DPY19L1: variants seen among roughly 807,000 people sequenced by gnomAD.
DPY19L1 encodes protein C-mannosyl-transferase DPY19L1.
A neutral mutation model predicts 96.9 loss-of-function variants in DPY19L1; 35 were observed. The ratio of observed to expected loss-of-function variants is 0.36; its 90% CI spans 0.28 to 0.48. The LOEUF is 0.48. DPY19L1 is among the 20% of genes least tolerant of loss of function. DPY19L1 has a pLI of 0.99. For missense variants in DPY19L1, 521 were observed against 777.9 expected, an observed-to-expected ratio of 0.67 and a Z score of 3.93; for synonymous variants, 205 against 252.6, an observed-to-expected ratio of 0.81 and a Z score of 1.79.
chr7:35,034,141 C>T (rs890546804), intron 1 of DPY19L1, among the ~76,000 whole-genome samples: 14 of 152,092 alleles, frequency 9.2e-5, no homozygotes, highest in Admixed American at 2.0e-4. Context: ...TTTTTATCAT[C>T]CACTTTTCCC....
intron 1 of DPY19L1, among the ~76,000 whole-genome samples, chr7:35,027,688 A>AAAAAAAAAAAAAAAAAAAAAAG (rs1786160235): frequency 2.0e-5 from 3 of 148,698 alleles, no homozygotes; most frequent in Admixed American, 6.7e-5. Flanking sequence ...AAAAAAAAAA[A>AAAAAAAAAAAAAAAAAAAAAAG]TTAGTTGGGC....
intron 6 of DPY19L1, among the ~76,000 whole-genome samples, chr7:35,008,690 T>C (rs1785625371): frequency 6.6e-6 from 1 of 152,084 alleles, no homozygotes; most frequent in Non-Finnish European, 1.5e-5. Context: ...GGTAACAATA[T>C]AGCAAGACCC....
intron 7 of DPY19L1, among the ~76,000 whole-genome samples, chr7:34,981,941 C>A (rs1467877600): frequency 1.3e-5 from 2 of 152,032 alleles, no homozygotes; most frequent in African/African-American, 4.8e-5. Flanking sequence ...CAGAGTGAGA[C>A]CCTGTCTCAA....
intron 7 of DPY19L1, among the ~76,000 whole-genome samples, chr7:34,974,438 T>C (rs1185237985): frequency 6.6e-6 from 1 of 152,224 alleles, no homozygotes; most frequent in Non-Finnish European, 1.5e-5. Flanking sequence ...ATATTTTCGC[T>C]GTACCTCAGA....
At chr7:34,971,852 G>C (rs1294092713) in intron 8 of DPY19L1, among the ~76,000 whole-genome samples, 1 of 152,150 alleles carries the variant, frequency 6.6e-6, no homozygotes, top group Non-Finnish European at 1.5e-5. Flanking sequence ...AGATACCTGT[G>C]TCCTAATCCC....
intron 7 of DPY19L1, among the ~76,000 whole-genome samples, chr7:34,985,766 T>C (rs1258655861): frequency 6.6e-6 from 1 of 151,984 alleles, no homozygotes; most frequent in African/African-American, 2.4e-5. Flanking sequence ...TATGTAAGTT[T>C]CCTCAAAAAC....
At chr7:34,963,400 C>T (rs866540475) in intron 10 of DPY19L1, among the ~76,000 whole-genome samples, 2 of 151,996 alleles carry the variant, frequency 1.3e-5, no homozygotes, top group Admixed American at 1.3e-4. Flanking sequence ...TAAAATGTAC[C>T]GCTACTATGG....
chr7:35,025,848 C>A (rs1786107919), intron 1 of DPY19L1, among the ~76,000 whole-genome samples: 1 of 152,178 alleles, frequency 6.6e-6, no homozygotes, highest in South Asian at 2.1e-4. Flanking sequence ...CTATTTACCC[C>A]ACTGTGCCAC....
chr7:34,935,802 A>AAC (rs1247383365), intron 21 of DPY19L1, among the ~76,000 whole-genome samples: 1 of 152,198 alleles, frequency 6.6e-6, no homozygotes, highest in Non-Finnish European at 1.5e-5. Flanking sequence ...TCTAAATGTA[A>AAC]ACACTAGATA....
At chr7:34,948,450 T>C (rs184476792) in intron 14 of DPY19L1, among the ~76,000 whole-genome samples, 2 of 152,190 alleles carry the variant, frequency 1.3e-5, no homozygotes, top group African/African-American at 4.8e-5. Flanking sequence ...TTGGAACATA[T>C]GTTCCCTGAA....
chr7:35,016,654 C>A (rs329236), intron 3 of DPY19L1, among the ~76,000 whole-genome samples: 41,629 of 152,142 alleles, frequency 0.27, 5,812 homozygotes, highest in Non-Finnish European at 0.31. Flanking sequence ...CCAGTGATCA[C>A]TCTTAACATC....
intron 6 of DPY19L1, among the ~76,000 whole-genome samples, chr7:35,001,940 A>G (rs1398073144): frequency 6.6e-6 from 1 of 152,058 alleles, no homozygotes; most frequent in Non-Finnish European, 1.5e-5. Context: ...CCTGGCCAAC[A>G]TGGTAAAAAC....
intron 8 of DPY19L1, 130 bp downstream of exon 8, chr7:34,973,382 CTT>C (rs890939322): frequency 2.1e-5 from 10 of 474,736 alleles, no homozygotes; most frequent in Admixed American, 8.9e-5. Context: ...AAGTTACACT[CTT>C]ATAATATTTT....
At position 34,945,660 on chromosome 7, in the gene DPY19L1, T is replaced by A; in HGVS notation, c.1544+7A>T. ...GGAGGTAATAAAATTCTTAATAGCA[T>A]ATTTACCTTACATGTGTCTGTTGTT... On this transcript the variant is annotated splice_region_variant and intron_variant, in intron 16 of 21. Coordinates refer to ENST00000638088, the MANE Select transcript of DPY19L1 (RefSeq NM_001366673.1). 1.3e-6 allele frequency: 2 copies of A among 1,580,318 alleles called. No individual in the cohort carries two copies. The highest frequency in any genetic ancestry group is 1.7e-6 in the Non-Finnish European group (2 of 1,156,454).
At chr7:34,943,475 T>C (rs1184572195) in intron 16 of DPY19L1, among the ~76,000 whole-genome samples, 2 of 152,192 alleles carry the variant, frequency 1.3e-5, no homozygotes, top group African/African-American at 4.8e-5. Flanking sequence ...TCAGAGCCAA[T>C]ATACTTTTTA....
intron 20 of DPY19L1, among the ~76,000 whole-genome samples, chr7:34,938,841 C>G (rs1783929339): frequency 6.6e-6 from 1 of 152,138 alleles, no homozygotes; most frequent in Non-Finnish European, 1.5e-5. Flanking sequence ...TTCTAACAGG[C>G]TATACTGGTG....
intron 1 of DPY19L1, among the ~76,000 whole-genome samples, chr7:35,021,896 G>A (rs1304871682): frequency 6.6e-6 from 1 of 151,968 alleles, no homozygotes; most frequent in African/African-American, 2.4e-5. Flanking sequence ...TTTTATAGAG[G>A]CTATTAATTT....
chr7:35,028,057 T>G (rs1786169715), intron 1 of DPY19L1, among the ~76,000 whole-genome samples: 1 of 152,206 alleles, frequency 6.6e-6, no homozygotes, highest in African/African-American at 2.4e-5. Context: ...TAACATCTGT[T>G]TGTCAGTTGC....
At chr7:34,999,863 C>A (rs937581322) in intron 6 of DPY19L1, among the ~76,000 whole-genome samples, 2 of 152,048 alleles carry the variant, frequency 1.3e-5, no homozygotes, top group African/African-American at 4.8e-5. Flanking sequence ...CAGCAGTAAG[C>A]AATATTTTTA....
Sources: allele counts gnomAD v4.1 joint callset (sites outside exome capture counted in the v4.1 genomes callset), GRCh38; gene constraint gnomAD v4.1.1; transcripts MANE v1.5; gene names NCBI Gene and HGNC (gene_info 2026-07-23, HGNC 2026-07-21).